Variants in RUFY3 observed in about 807,000 individuals in gnomAD.
The protein encoded by RUFY3 is RUN and FYVE domain containing 3.
A neutral mutation model predicts 84.0 loss-of-function variants in RUFY3; 34 were observed. The observed-to-expected ratio is 0.40, with a 90% CI of 0.31 to 0.54. The LOEUF (loss-of-function observed/expected upper bound fraction) is 0.54, where lower values mean the gene tolerates loss of function less well. Ranked by LOEUF, RUFY3 falls within the 20% of genes least tolerant of loss-of-function variation. RUFY3 has a pLI of 0.39. For synonymous variants in RUFY3, 242 were observed against 252.9 expected (o/e 0.96, Z 0.41); for missense variants, 507 against 736.8 (o/e 0.69, Z 3.61).
At chr4:70,711,064 GAAAAAAAAA>G (rs950005722) in intron 1 of RUFY3, among the ~76,000 whole-genome samples, 8 of 54,076 alleles carry the variant, frequency 1.5e-4, no homozygotes, top group East Asian at 8.7e-4. Flanking sequence ...ACTCCGTCTG[GAAAAAAAAA>G]AAAAAAAAAA....
intron 4 of RUFY3, 74 bp downstream of exon 4, chr4:70,764,650 C>A: frequency 1.2e-6 from 1 of 863,436 alleles, no homozygotes; most frequent in Non-Finnish European, 1.8e-6. Flanking sequence ...CATATAAGTT[C>A]ACTATTTTTG....
At chr4:70,759,447 A>C (rs1724650381) in intron 1 of RUFY3, among the ~76,000 whole-genome samples, 1 of 151,932 alleles carries the variant, frequency 6.6e-6, no homozygotes, top group Admixed American at 6.6e-5. Context: ...GGTTGATTTC[A>C]TATCTTGGTT....
At chr4:70,707,144 A>T (rs532086559) in intron 1 of RUFY3, among the ~76,000 whole-genome samples, 10 of 152,312 alleles carry the variant, frequency 6.6e-5, no homozygotes, top group African/African-American at 2.2e-4. Context: ...GTATTTTGTT[A>T]CTCTTATCAG....
chr4:70,766,085 A>C (rs1187562284), intron 4 of RUFY3, among the ~76,000 whole-genome samples: 1 of 152,124 alleles, frequency 6.6e-6, no homozygotes, highest in East Asian at 1.9e-4. Context: ...TCAGAAAAGA[A>C]ATAAGGAACT....
intron 1 of RUFY3, among the ~76,000 whole-genome samples, chr4:70,715,034 A>G (rs1485290759): frequency 1.3e-5 from 2 of 152,238 alleles, no homozygotes; most frequent in African/African-American, 2.4e-5. Flanking sequence ...CTTTCTGAGT[A>G]TATCAGTTTA....
intron 1 of RUFY3, among the ~76,000 whole-genome samples, chr4:70,713,830 A>C (rs1013352858): frequency 6.6e-6 from 1 of 152,174 alleles, no homozygotes; most frequent in African/African-American, 2.4e-5. Flanking sequence ...TCCTTCCTCA[A>C]AATCTGAGAG....
In RUFY3 at chr4:70,722,700, C is replaced by A. The variant is rs754858665; in HGVS notation, c.127C>A (p.Arg43=). The A allele has an allele frequency of 1.9e-6, 3 of 1,613,936 alleles. No homozygotes were observed. In the Admixed American group the frequency reaches 5.0e-5, roughly 27 times the overall value. ...CATGGATGGAGAATGGCTCTGCCTGCGAGAGCTGGATGACATCTCACTTAC... is the reference window on the plus strand; with the variant it reads ...CATGGATGGAGAATGGCTCTGCCTGAGAGAGCTGGATGACATCTCACTTAC... ...VSMDGEWLCL[R]ELDDISLTPD... The change falls in exon 1 of 18, where the codon CGA becomes AGA. Residue 43 remains arginine, a synonymous_variant. Coordinates refer to ENST00000381006, the MANE Select transcript of RUFY3 (RefSeq NM_001037442.4).
chr4:70,808,284 T>TATC lies in RUFY3; in HGVS notation c.*1626_*1628dup, dbSNP rs1733025074. ...GGAGGGCTGACTGTACTTACTTACA[T>TATC]ATCTATCTATCTTTGAGTAACAAAC... On this transcript the variant is annotated 3_prime_UTR_variant, in exon 18 of 18. Coordinates refer to ENST00000381006, the MANE Select transcript of RUFY3 (RefSeq NM_001037442.4). Among the ~76,000 whole-genome samples, 2 of 148,384 alleles carry TATC rather than the reference T, an allele frequency of 1.3e-5. No homozygotes were observed. The highest frequency in any genetic ancestry group is 4.6e-4 in the South Asian group (2 of 4,306).
intron 1 of RUFY3, among the ~76,000 whole-genome samples, chr4:70,733,306 ATAATG>A (rs1719763603): frequency 2.0e-5 from 3 of 152,324 alleles, no homozygotes; most frequent in South Asian, 4.1e-4. Flanking sequence ...TAAGTTTAGA[ATAATG>A]TAATAATTTG....
intron 6 of RUFY3, among the ~76,000 whole-genome samples, chr4:70,774,539 C>T (rs533441565): frequency 2.2e-5 from 3 of 139,122 alleles, no homozygotes; most frequent in South Asian, 4.6e-4. Context: ...TGCTTGAACC[C>T]GGGAGGTGGA....
At chr4:70,752,939 CTCTT>C (rs1197151446) in intron 1 of RUFY3, among the ~76,000 whole-genome samples, 1 of 152,150 alleles carries the variant, frequency 6.6e-6, no homozygotes, top group Non-Finnish European at 1.5e-5. Flanking sequence ...CGGAAGTTCT[CTCTT>C]CTAATTTTTG....
intron 14 of RUFY3, among the ~76,000 whole-genome samples, chr4:70,795,372 G>A (rs928060354): frequency 6.6e-6 from 1 of 151,980 alleles, no homozygotes; most frequent in Non-Finnish European, 1.5e-5. Flanking sequence ...GGAATAATTA[G>A]GGAATTAGGC....
intron 1 of RUFY3, among the ~76,000 whole-genome samples, chr4:70,740,397 T>C (rs1315881861): frequency 1.3e-5 from 2 of 152,254 alleles, no homozygotes; most frequent in East Asian, 1.9e-4. Context: ...CCGAGATCCC[T>C]GGTATCCACC....
intron 4 of RUFY3, among the ~76,000 whole-genome samples, chr4:70,764,832 C>T (rs1725577507): frequency 6.6e-6 from 1 of 152,074 alleles, no homozygotes. Context: ...CAGAAGGCAC[C>T]TTAGCATGTG....
At position 70,733,897 on chromosome 4, in the gene RUFY3, T is replaced by C. The variant is rs114330070; in HGVS notation, c.178+11146T>C. ...TACAAGAGGACATATTACTCTAATA[T>C]GAAAACAAATGTTCCTTTTTCAAAG... On this transcript the variant is annotated intron_variant, in intron 1 of 17. Coordinates refer to ENST00000381006, the MANE Select transcript of RUFY3 (RefSeq NM_001037442.4). Among the ~76,000 whole-genome samples the C allele has an allele frequency of 8.0e-3, 1,225 of 152,322 alleles. 14 individuals are homozygous for C. Among genetic ancestry groups the C allele is most frequent in the African/African-American group, 0.028 (1,162 of 41,574 alleles).
rs186983193 is a variant in RUFY3, at chr4:70,751,972, G to C, written c.179-10547G>C. On this transcript the variant is annotated intron_variant, in intron 1 of 17. Transcript: ENST00000381006. ...ATTTTTGTAATTTTAGTAGAGATGGGGTTTCACCATGTTGGCCAGGCTGGT... is the reference window on the plus strand; with the variant it reads ...ATTTTTGTAATTTTAGTAGAGATGGCGTTTCACCATGTTGGCCAGGCTGGT... 2.6e-5 allele frequency among the ~76,000 whole-genome samples: 4 copies of C among 152,188 alleles called. No individual in the cohort carries two copies. In the East Asian group the frequency reaches 5.8e-4, roughly 22 times the overall value.
At chr4:70,758,571 A>T (rs923839185) in intron 1 of RUFY3, among the ~76,000 whole-genome samples, 6 of 152,226 alleles carry the variant, frequency 3.9e-5, no homozygotes, top group African/African-American at 1.4e-4. Context: ...TCTTTTTAAA[A>T]TTTTTGATGT....
In RUFY3 at chr4:70,763,905, C is replaced by T. The variant is rs537322365; in HGVS notation, c.470+236C>T. 9.5e-4 allele frequency among the ~76,000 whole-genome samples: 145 copies of T among 152,178 alleles called. 1 individual carries two copies. The highest frequency in any genetic ancestry group is 6.8e-3 in the Middle Eastern group (2 of 294). On this transcript the variant is annotated intron_variant, in intron 3 of 17. Transcript: ENST00000381006. ...ATTGTCTTTTTGTTGAAATGCCAAA[C>T]ATTTGCTTATTTTTTAAAGCACTTG...
intron 1 of RUFY3, among the ~76,000 whole-genome samples, chr4:70,744,769 C>T (rs1721917006): frequency 6.6e-6 from 1 of 151,358 alleles, no homozygotes; most frequent in African/African-American, 2.4e-5. Context: ...ATTCTCCTGC[C>T]TCAGCCTCCT....
Sources: allele counts gnomAD v4.1 joint callset (sites outside exome capture counted in the v4.1 genomes callset), GRCh38; gene constraint gnomAD v4.1.1; transcripts MANE v1.5; gene names NCBI Gene and HGNC (gene_info 2026-07-23, HGNC 2026-07-21).